Variants in NEO1 observed in about 807,000 individuals in gnomAD.
NEO1 encodes neogenin.
In NEO1, 63 loss-of-function variants were observed where a neutral mutation model predicts 159.7. The observed-to-expected ratio is 0.39, with a 90% confidence interval of 0.32 to 0.49. The LOEUF (loss-of-function observed/expected upper bound fraction) is 0.49. NEO1 is among the 20% of genes least tolerant of loss of function. The pLI is 0.85. For synonymous variants in NEO1, 633 were observed against 662.0 expected (o/e 0.96, Z 0.67); for missense variants, 1,615 against 1,831.0 (o/e 0.88, Z 2.15).
intron 5 of NEO1, among the ~76,000 whole-genome samples, chr15:73,144,204 T>G (rs2151798556): frequency 6.6e-6 from 1 of 152,322 alleles, no homozygotes; most frequent in Non-Finnish European, 1.5e-5. Flanking sequence ...ACCTCTACTT[T>G]TATGATTGAG....
chr15:73,236,245 G>A (rs758737793), intron 7 of NEO1, 102 bp from the exon 8 acceptor site: 78 of 1,489,412 alleles, frequency 5.2e-5, no homozygotes, highest in Non-Finnish European at 6.4e-5. Flanking sequence ...TAAAACCGTC[G>A]TGGTTTGCCC....
Position 73,060,820 on chromosome 15 carries a change from T to G in NEO1, c.130+8015T>G, listed in dbSNP as rs538974122. Among the ~76,000 whole-genome samples the G allele has an allele frequency of 4.7e-5, 7 of 147,666 alleles. No homozygotes were observed. In the South Asian group the frequency reaches 1.3e-3, roughly 27 times the overall value. On this transcript the variant is annotated intron_variant, in intron 1 of 28. Transcript: ENST00000261908. ...CCTCACCATGCCCAGCTAATTTTTT[T>G]GGGTATTTTTGTACAGACAGGGTTT...
intron 7 of NEO1, among the ~76,000 whole-genome samples, chr15:73,193,463 C>G (rs1442039188): frequency 6.6e-6 from 1 of 151,608 alleles, no homozygotes. Context: ...TTAATGTTTT[C>G]AAGACAAAAA....
chr15:73,119,110 A>G (rs2071486028), intron 2 of NEO1, among the ~76,000 whole-genome samples: 1 of 152,104 alleles, frequency 6.6e-6, no homozygotes. Context: ...GTCCTGGGGT[A>G]GTTATGGGTT....
At position 73,147,517 on chromosome 15, in the gene NEO1, C is replaced by T. The variant is rs540250761; in HGVS notation, c.1015+11490C>T. Reference sequence around the variant, plus strand: ...CACCTAAGTCTGTGCTTGCTGGGCTCCTGCCTATCTAGGACAACATGACAA... The same window carrying T: ...CACCTAAGTCTGTGCTTGCTGGGCTTCTGCCTATCTAGGACAACATGACAA... On this transcript the variant is annotated intron_variant, in intron 5 of 28. Transcript: ENST00000261908. Among the ~76,000 whole-genome samples the T allele has an allele frequency of 2.6e-5, 4 of 152,224 alleles. No individual in the cohort carries two copies. In the South Asian group the frequency reaches 6.2e-4, roughly 24 times the overall value.
intron 1 of NEO1, among the ~76,000 whole-genome samples, chr15:73,099,904 T>C (rs550546879): frequency 6.6e-6 from 1 of 152,238 alleles, no homozygotes; most frequent in Non-Finnish European, 1.5e-5. Context: ...TGCTGCTTTT[T>C]CAAGATGTGA....
At chr15:73,188,659 T>C (rs183020524) in intron 7 of NEO1, among the ~76,000 whole-genome samples, 1 of 152,334 alleles carries the variant, frequency 6.6e-6, no homozygotes, top group African/African-American at 2.4e-5. Context: ...AAAAGAACAA[T>C]TAATGGTTCG....
rs1261810003 is a variant in NEO1 at position 73,260,466 on chromosome 15, G to T, written c.2398+1G>T. ...CGCTATTACACCATTGAAAATCTGG[G>T]TATGTTTGCTAAGTAGAGAAAGTTA... On this transcript the variant is annotated splice_donor_variant, in intron 15 of 28. Transcript: ENST00000261908. LOFTEE classifies it high-confidence loss of function. The T allele has an allele frequency of 6.3e-7, 1 of 1,579,796 alleles. No homozygotes were observed. Among genetic ancestry groups the T allele is most frequent in the Non-Finnish European group, 8.7e-7 (1 of 1,154,702 alleles).
intron 1 of NEO1, among the ~76,000 whole-genome samples, chr15:73,111,896 A>G (rs965718081): frequency 3.3e-5 from 5 of 152,142 alleles, no homozygotes; most frequent in African/African-American, 9.7e-5. Flanking sequence ...TGGCTCCCCA[A>G]AGTGCTGGGA....
chr15:73,079,781 G>T (rs1026791308), intron 1 of NEO1, among the ~76,000 whole-genome samples: 11 of 152,254 alleles, frequency 7.2e-5, no homozygotes, highest in African/African-American at 2.4e-4. Flanking sequence ...TATTCAGGAA[G>T]TTATTAGGAA....
chr15:73,065,306 T>C (rs901066909), intron 1 of NEO1, among the ~76,000 whole-genome samples: 1 of 152,188 alleles, frequency 6.6e-6, no homozygotes, highest in Non-Finnish European at 1.5e-5. Context: ...CTTCATTTTT[T>C]TTTTTTCTGC....
intron 1 of NEO1, among the ~76,000 whole-genome samples, chr15:73,112,019 C>G (rs1418221853): frequency 6.6e-6 from 1 of 152,050 alleles, no homozygotes; most frequent in Non-Finnish European, 1.5e-5. Flanking sequence ...TTTATCTTTC[C>G]TCTACTCCCT....
intron 5 of NEO1, among the ~76,000 whole-genome samples, chr15:73,165,382 TAAAAA>T (rs1053432579): frequency 4.6e-5 from 7 of 152,006 alleles, no homozygotes; most frequent in Non-Finnish European, 1.0e-4. Flanking sequence ...TTGAAAATGA[TAAAAA>T]GGAAAGTAGA....
intron 22 of NEO1, 45 bp downstream of exon 22, chr15:73,278,244 G>A: frequency 6.4e-7 from 1 of 1,565,970 alleles, no homozygotes; most frequent in East Asian, 2.3e-5. Flanking sequence ...TGGACATGAA[G>A]CACTTTTGCT....
chr15:73,160,999 G>C (rs1027325683), intron 5 of NEO1, among the ~76,000 whole-genome samples: 1 of 152,140 alleles, frequency 6.6e-6, no homozygotes, highest in African/African-American at 2.4e-5. Flanking sequence ...ACCCCATCAA[G>C]ACTTGTCTTA....
At chr15:73,182,855 C>G (rs1002531284) in intron 7 of NEO1, among the ~76,000 whole-genome samples, 1 of 152,118 alleles carries the variant, frequency 6.6e-6, no homozygotes, top group Admixed American at 6.5e-5. Context: ...AACCAAATAA[C>G]CTAAATTCCA....
At chr15:73,156,387 A>G (rs1373017988) in intron 5 of NEO1, among the ~76,000 whole-genome samples, 1 of 152,154 alleles carries the variant, frequency 6.6e-6, no homozygotes, top group Non-Finnish European at 1.5e-5. Flanking sequence ...GGTATGTGGT[A>G]TATGCTGGCA....
intron 1 of NEO1, among the ~76,000 whole-genome samples, chr15:73,086,684 CTTTTTT>C (rs56321563): frequency 2.3e-4 from 28 of 122,028 alleles, no homozygotes; most frequent in Admixed American, 8.2e-4. Context: ...TTCTAGATTT[CTTTTTT>C]TTTTTTTTTT....
intron 23 of NEO1, among the ~76,000 whole-genome samples, chr15:73,285,280 C>T (rs559688083): frequency 6.6e-5 from 10 of 151,954 alleles, no homozygotes; most frequent in South Asian, 2.1e-4. Context: ...CCACCATGCC[C>T]GGCTAATTTT....
Sources: allele counts gnomAD v4.1 joint callset (sites outside exome capture counted in the v4.1 genomes callset), GRCh38; gene constraint gnomAD v4.1.1; transcripts MANE v1.5; gene names NCBI Gene and HGNC (gene_info 2026-07-23, HGNC 2026-07-21).